RBFOX1: variants seen among roughly 807,000 people sequenced by gnomAD.
RBFOX1 encodes the protein RNA binding protein fox-1 homolog 1.
RBFOX1 carries 8 observed loss-of-function variants against 57.7 expected under a neutral mutation model. That is an observed-to-expected ratio of 0.14 (90% CI 0.08 to 0.25). The LOEUF (loss-of-function observed/expected upper bound fraction) is 0.25. RBFOX1 is among the 10% of genes least tolerant of loss of function. The pLI is 1.00. For synonymous variants in RBFOX1, 326 were observed against 222.4 expected, an observed-to-expected ratio of 1.47 and a Z score of -4.15; for missense variants, 611 against 548.5, an observed-to-expected ratio of 1.11 and a Z score of -1.14.
intron 3 of RBFOX1, among the ~76,000 whole-genome samples, chr16:6,798,297 C>G (rs944438632): frequency 2.0e-5 from 3 of 152,072 alleles, no homozygotes; most frequent in African/African-American, 4.8e-5. Context: ...TAGATTGTAT[C>G]TAGAAACTTG....
chr16:6,091,526 A>AT (rs1433573072), intron 1 of RBFOX1, among the ~76,000 whole-genome samples: 1 of 94,938 alleles, frequency 1.1e-5, no homozygotes, highest in African/African-American at 7.0e-5. Flanking sequence ...CATGGTAGGT[A>AT]TTCAAAAAAA....
At chr16:6,896,560 A>G (rs1432652260) in intron 3 of RBFOX1, among the ~76,000 whole-genome samples, 1 of 152,112 alleles carries the variant, frequency 6.6e-6, no homozygotes, top group East Asian at 1.9e-4. Flanking sequence ...TTAACATAAT[A>G]ATCTCCAGTT....
intron 1 of RBFOX1, among the ~76,000 whole-genome samples, chr16:5,454,958 CCTTT>C (rs1169954657): frequency 0.04 from 1,212 of 30,266 alleles, 33 homozygotes; most frequent in South Asian, 0.051. Flanking sequence ...TTCCTTCCTT[CCTTT>C]CTTTCTTTCT....
chr16:7,549,704 T>G (rs1471301384), intron 5 of RBFOX1, among the ~76,000 whole-genome samples: 1 of 152,052 alleles, frequency 6.6e-6, no homozygotes, highest in East Asian at 1.9e-4. Context: ...ACTGGGCCAG[T>G]TTAGTCTTTC....
chr16:5,284,038 C>T (rs761929133), intron 1 of RBFOX1, among the ~76,000 whole-genome samples: 23 of 152,072 alleles, frequency 1.5e-4, no homozygotes, highest in Non-Finnish European at 2.9e-4. Flanking sequence ...CATGTCTTTC[C>T]CATGCTGTTC....
Position 7,712,968 on chromosome 16 carries a change from T to G in RBFOX1, c.*2223T>G, listed in dbSNP as rs1401175937. Reference sequence around the variant, plus strand: ...CTTTCCCCCATGACTGTATGTAGTTTTAATAAAATCATTTAGAGTGAGTGA... The same window carrying G: ...CTTTCCCCCATGACTGTATGTAGTTGTAATAAAATCATTTAGAGTGAGTGA... On this transcript the variant is annotated 3_prime_UTR_variant, in exon 16 of 16. Coordinates refer to ENST00000550418, the MANE Select transcript of RBFOX1 (RefSeq NM_018723.4). The G allele has an allele frequency of 6.6e-6, 1 of 152,244 alleles. No individual in the cohort carries two copies. The highest frequency in any genetic ancestry group is 2.4e-5 in the African/African-American group (1 of 41,468). The allele number at this position is 152,244 out of a possible 1,614,324, so 9.4% of individuals were successfully genotyped here.
At chr16:5,682,515 C>T (rs1452172446) in intron 3 of RBFOX1, among the ~76,000 whole-genome samples, 1 of 152,126 alleles carries the variant, frequency 6.6e-6, no homozygotes, top group East Asian at 1.9e-4. Context: ...GAAGAGATGA[C>T]CATTTGTTAA....
chr16:6,921,260 A>G (rs976127009), intron 3 of RBFOX1, among the ~76,000 whole-genome samples: 6 of 152,130 alleles, frequency 3.9e-5, no homozygotes, highest in Admixed American at 2.0e-4. Context: ...TTTTCTCACA[A>G]TGTCTATGGG....
rs188108936 is a variant in RBFOX1, at chr16:6,766,240, C to G, written c.-16+111590C>G. Reference sequence around the variant, plus strand: ...AACCAGAATTTGATTTCACTTTCCTCTCCTTGTCATTGTTTTTATACAGCT... The same window carrying G: ...AACCAGAATTTGATTTCACTTTCCTGTCCTTGTCATTGTTTTTATACAGCT... On this transcript the variant is annotated intron_variant, in intron 3 of 15. Transcript: ENST00000550418. Among the ~76,000 whole-genome samples the G allele has an allele frequency of 1.2e-3, 179 of 152,170 alleles. 3 individuals are homozygous for G. The highest frequency in any genetic ancestry group is 7.2e-4 in the Non-Finnish European group (49 of 68,024).
chr16:6,399,527 C>G (rs901140729), intron 2 of RBFOX1, among the ~76,000 whole-genome samples: 1 of 152,056 alleles, frequency 6.6e-6, no homozygotes, highest in African/African-American at 2.4e-5. Context: ...TCAGCCAGGA[C>G]TTCATTGTCC....
At chr16:7,231,407 C>G (rs527757843) in intron 4 of RBFOX1, among the ~76,000 whole-genome samples, 3 of 152,268 alleles carry the variant, frequency 2.0e-5, no homozygotes, top group African/African-American at 7.2e-5. Flanking sequence ...GCTGTGTTCA[C>G]TGCAACACAG....
intron 3 of RBFOX1, among the ~76,000 whole-genome samples, chr16:5,606,127 G>A (rs1404286232): frequency 6.6e-6 from 1 of 152,222 alleles, no homozygotes; most frequent in East Asian, 1.9e-4. Flanking sequence ...CCTCCTTTCT[G>A]ACATATTTCA....
intron 4 of RBFOX1, among the ~76,000 whole-genome samples, chr16:7,279,134 C>G (rs1187733976): frequency 1.5e-5 from 2 of 133,968 alleles, no homozygotes; most frequent in African/African-American, 5.5e-5. Flanking sequence ...TTCTTTCTTT[C>G]TTTTTTTTTT....
chr16:6,361,377 C>G (rs577713416), intron 2 of RBFOX1, among the ~76,000 whole-genome samples: 50 of 152,146 alleles, frequency 3.3e-4, no homozygotes, highest in African/African-American at 1.1e-3. Context: ...CACCTGTAAT[C>G]CTAGCAGTTT....
chr16:6,800,434 G>A (rs185706005), intron 3 of RBFOX1, among the ~76,000 whole-genome samples: 38 of 152,142 alleles, frequency 2.5e-4, no homozygotes, highest in African/African-American at 8.7e-4. Context: ...CATTGCCTGG[G>A]GATCTTGCTA....
chr16:5,870,462 T>A (rs1220021873), intron 4 of RBFOX1, among the ~76,000 whole-genome samples: 1 of 148,598 alleles, frequency 6.7e-6, no homozygotes, highest in African/African-American at 2.5e-5. Flanking sequence ...GGTGGGGGAA[T>A]GGTCAGATGG....
At chr16:5,590,922 C>A (rs1016726272) in intron 2 of RBFOX1, among the ~76,000 whole-genome samples, 3 of 152,122 alleles carry the variant, frequency 2.0e-5, no homozygotes, top group Non-Finnish European at 4.4e-5. Flanking sequence ...AGGTATTACC[C>A]CAATGCCAGC....
intron 2 of RBFOX1, among the ~76,000 whole-genome samples, chr16:6,647,558 A>G (rs1207651480): frequency 1.3e-5 from 2 of 152,092 alleles, no homozygotes; most frequent in African/African-American, 4.8e-5. Context: ...AAGGGCAGTC[A>G]TTCTTAGGAC....
intron 2 of RBFOX1, among the ~76,000 whole-genome samples, chr16:6,473,295 C>T (rs187491527): frequency 1.3e-5 from 2 of 152,190 alleles, no homozygotes; most frequent in Admixed American, 1.3e-4. Context: ...TTTTGTAGTT[C>T]TGTAGTACAA....
Sources: allele counts gnomAD v4.1 joint callset (sites outside exome capture counted in the v4.1 genomes callset), GRCh38; gene constraint gnomAD v4.1.1; transcripts MANE v1.5; gene names NCBI Gene and HGNC (gene_info 2026-07-23, HGNC 2026-07-21).